The following HIGD1C variants were observed in gnomAD, a reference collection of about 807,000 sequenced individuals.
The protein encoded by HIGD1C is HIG1 hypoxia inducible domain family member 1C.
A neutral mutation model predicts 13.1 loss-of-function variants in HIGD1C; 11 were observed. That is an observed-to-expected ratio of 0.84 (90% CI 0.53 to 1.39). The LOEUF is 1.39. Among genes scored for constraint, HIGD1C ranks in the 40% most tolerant of loss-of-function variants. The probability of loss-of-function intolerance (pLI) is 0.00; values close to 1 mark genes in which losing one functional copy is unlikely to be tolerated. For missense variants in HIGD1C, 110 were observed against 112.0 expected (o/e 0.98, Z 0.08); for synonymous variants, 36 against 37.7 (o/e 0.95, Z 0.17).
the HIGD1C span, among the ~76,000 whole-genome samples, chr12:50,937,320 C>A: frequency 2.0e-5 from 3 of 152,210 alleles, no homozygotes; most frequent in African/African-American, 7.2e-5. Context: ...CAGCCTGCAG[C>A]TGGGCCAGGT....
downstream of HIGD1C, among the ~76,000 whole-genome samples, chr12:50,970,823 A>C (rs796656591): frequency 2.9e-4 from 44 of 152,236 alleles, no homozygotes; most frequent in African/African-American, 9.9e-4. Context: ...TGCCAAACCA[A>C]TCTGAAAAAT....
chr12:50,951,177 C>T (rs1401296255), upstream of HIGD1C, among the ~76,000 whole-genome samples: 2 of 152,036 alleles, frequency 1.3e-5, no homozygotes, highest in Non-Finnish European at 2.9e-5. Context: ...AAAAAAGTAA[C>T]CACAGTGGAG....
chr12:50,966,802 AATGGTTTAAC>A (rs1939556710), intron 2 of HIGD1C, among the ~76,000 whole-genome samples: 1 of 134,772 alleles, frequency 7.4e-6, no homozygotes, highest in African/African-American at 2.9e-5. Flanking sequence ...CTTCTAAAGC[AATGGTTTAAC>A]ATAAGTGACT....
intron 1 of HIGD1C, among the ~76,000 whole-genome samples, chr12:50,957,940 GTGTGTGTGT>G (rs1939168226): frequency 4.6e-5 from 3 of 64,900 alleles, no homozygotes; most frequent in African/African-American, 2.9e-4. Context: ...AATTGGAGGT[GTGTGTGTGT>G]GTGTGTGTGT....
chr12:50,938,645 C>G, the HIGD1C span, among the ~76,000 whole-genome samples: 1 of 152,182 alleles, frequency 6.6e-6, no homozygotes, highest in African/African-American at 2.4e-5. Flanking sequence ...CCAGATGGCC[C>G]GCTACAACCA....
intron 2 of HIGD1C, among the ~76,000 whole-genome samples, chr12:50,969,063 G>A (rs1020761859): frequency 3.3e-5 from 5 of 151,814 alleles, no homozygotes; most frequent in African/African-American, 4.8e-5. Context: ...GGGAGGCAGA[G>A]GCGGGTGGAT....
the HIGD1C span, among the ~76,000 whole-genome samples, chr12:50,940,537 G>A: frequency 2.4e-4 from 37 of 152,076 alleles, no homozygotes; most frequent in African/African-American, 6.3e-4. Flanking sequence ...TGGGCAACAC[G>A]GTGAGATCTC....
downstream of HIGD1C, chr12:50,970,510 T>C: frequency 6.6e-7 from 1 of 1,513,812 alleles, no homozygotes. Flanking sequence ...AAAATGAAGC[T>C]TACATGCTGG....
upstream of HIGD1C, among the ~76,000 whole-genome samples, chr12:50,952,584 CACAGCCCCACTCAGGTCTCA>C (rs1341828915): frequency 6.6e-6 from 1 of 152,158 alleles, no homozygotes; most frequent in Non-Finnish European, 1.5e-5. Flanking sequence ...CTCGGGTCTC[CACAGCCCCACTCAGGTCTCA>C]CACACAGGCG....
At chr12:50,941,578 G>A in the HIGD1C span, among the ~76,000 whole-genome samples, 5 of 152,184 alleles carry the variant, frequency 3.3e-5, no homozygotes, top group Non-Finnish European at 5.9e-5. Flanking sequence ...CTGATGAAAG[G>A]TATAGGTCCT....
At chr12:50,954,187 A>AT in intron 1 of HIGD1C, 95 bp downstream of exon 3, 1 of 735,262 alleles carries the variant, frequency 1.4e-6, no homozygotes, top group African/African-American at 1.8e-5. Context: ...TTATAATTGA[A>AT]TTTTTTCAGA....
chr12:50,951,328 A>T (rs12311435), upstream of HIGD1C, among the ~76,000 whole-genome samples: 370 of 152,282 alleles, frequency 2.4e-3, 2 homozygotes, highest in African/African-American at 8.3e-3. Flanking sequence ...CATGGTGGGA[A>T]TATTTACAAC....
chr12:50,942,689 G>A, the HIGD1C span, among the ~76,000 whole-genome samples: 5 of 152,086 alleles, frequency 3.3e-5, no homozygotes, highest in East Asian at 2.0e-4. Flanking sequence ...GCAACATGGC[G>A]AGACCTCATC....
intron 2 of HIGD1C, among the ~76,000 whole-genome samples, chr12:50,969,539 A>C (rs1226739162): frequency 6.6e-6 from 1 of 151,944 alleles, no homozygotes; most frequent in East Asian, 1.9e-4. Flanking sequence ...GTCTGTACTA[A>C]AAATACAAAA....
chr12:50,937,259 C>T, the HIGD1C span, among the ~76,000 whole-genome samples: 2 of 152,238 alleles, frequency 1.3e-5, no homozygotes, highest in Admixed American at 6.5e-5. Flanking sequence ...CAGGGCTGCA[C>T]TTGGCTTGTG....
the HIGD1C span, among the ~76,000 whole-genome samples, chr12:50,945,396 C>CA: frequency 6.6e-6 from 1 of 152,158 alleles, no homozygotes; most frequent in East Asian, 1.9e-4. Flanking sequence ...TCTCAGGATA[C>CA]AAAATCAATG....
chr12:50,933,153 T>A, the HIGD1C span, among the ~76,000 whole-genome samples: 1 of 152,204 alleles, frequency 6.6e-6, no homozygotes, highest in Non-Finnish European at 1.5e-5. Flanking sequence ...TTTTTTACAG[T>A]CATTCCACAA....
chr12:50,937,492 G>T, the HIGD1C span, among the ~76,000 whole-genome samples: 1 of 152,202 alleles, frequency 6.6e-6, no homozygotes, highest in Non-Finnish European at 1.5e-5. Context: ...TCCCAGAAGG[G>T]CCGCAGCTTT....
At chr12:50,964,512 T>C (rs73297922) in intron 2 of HIGD1C, among the ~76,000 whole-genome samples, 11 of 152,260 alleles carry the variant, frequency 7.2e-5, no homozygotes, top group African/African-American at 2.4e-4. Context: ...CAAATTAATA[T>C]AATGAACTAA....
Sources: allele counts gnomAD v4.1 joint callset (sites outside exome capture counted in the v4.1 genomes callset), GRCh38; gene constraint gnomAD v4.1.1; transcripts MANE v1.5; gene names NCBI Gene and HGNC (gene_info 2026-07-23, HGNC 2026-07-21).